Variants in CNTNAP4 observed in about 807,000 individuals in gnomAD.
CNTNAP4 encodes contactin-associated protein-like 4.
Under a neutral mutation model 148.4 loss-of-function variants are expected in CNTNAP4, and 98 were observed. The observed-to-expected ratio is 0.66, with a 90% CI of 0.56 to 0.78. The LOEUF (loss-of-function observed/expected upper bound fraction) is 0.78. Ranked by LOEUF, CNTNAP4 falls within the 30% of genes least tolerant of loss-of-function variation. CNTNAP4 has a pLI of 0.00. For missense variants in CNTNAP4, 1,935 were observed against 1,565.6 expected (o/e 1.24, Z -3.98); for synonymous variants, 730 against 565.1 (o/e 1.29, Z -4.14).
At chr16:76,308,452 T>C (rs984712782) in intron 1 of CNTNAP4, among the ~76,000 whole-genome samples, 15 of 152,170 alleles carry the variant, frequency 9.9e-5, no homozygotes, top group African/African-American at 3.6e-4. Context: ...CATCAGAATG[T>C]GACAGTGCAG....
chr16:76,400,158 T>C (rs2078357796), intron 3 of CNTNAP4, among the ~76,000 whole-genome samples: 1 of 152,176 alleles, frequency 6.6e-6, no homozygotes, highest in African/African-American at 2.4e-5. Context: ...ATGTTATAGA[T>C]GAAGGAGCCA....
intron 4 of CNTNAP4, among the ~76,000 whole-genome samples, chr16:76,433,248 G>C (rs1225881888): frequency 2.6e-5 from 4 of 152,212 alleles, no homozygotes; most frequent in Non-Finnish European, 1.5e-5. Context: ...CATCATTCTA[G>C]TGTTCAACTT....
chr16:76,500,232 T>C (rs2143891664), intron 15 of CNTNAP4, among the ~76,000 whole-genome samples: 1 of 151,950 alleles, frequency 6.6e-6, no homozygotes, highest in East Asian at 1.9e-4. Flanking sequence ...TGGCAGGGGC[T>C]GCCCCCACCT....
intron 2 of CNTNAP4, among the ~76,000 whole-genome samples, 165 bp from the exon 3 acceptor site, chr16:76,355,153 T>C (rs2012408981): frequency 6.6e-6 from 1 of 152,246 alleles, no homozygotes; most frequent in African/African-American, 2.4e-5. Flanking sequence ...CATATAATTA[T>C]ACTAAATTCT....
intron 10 of CNTNAP4, among the ~76,000 whole-genome samples, chr16:76,468,072 T>C (rs2143508605): frequency 6.6e-6 from 1 of 152,324 alleles, no homozygotes; most frequent in South Asian, 2.1e-4. Flanking sequence ...GGTTGTGGTA[T>C]TGATCAAGGT....
At chr16:76,450,298 G>T (rs2080412430) in intron 7 of CNTNAP4, among the ~76,000 whole-genome samples, 1 of 152,006 alleles carries the variant, frequency 6.6e-6, no homozygotes, top group South Asian at 2.1e-4. Context: ...TTGTAGTCCT[G>T]CCAACACACC....
intron 8 of CNTNAP4, among the ~76,000 whole-genome samples, chr16:76,455,765 G>T (rs1256177738): frequency 2.0e-5 from 3 of 152,166 alleles, no homozygotes; most frequent in African/African-American, 7.2e-5. Flanking sequence ...ATTGCCTTTT[G>T]CACCTTTGCT....
intron 3 of CNTNAP4, among the ~76,000 whole-genome samples, chr16:76,408,536 C>G (rs2078685263): frequency 1.3e-5 from 2 of 152,018 alleles, no homozygotes; most frequent in African/African-American, 4.8e-5. Context: ...GCAACTCTTT[C>G]ATACGTTGCC....
chr16:76,538,973 A>G (rs1215068877), intron 19 of CNTNAP4, among the ~76,000 whole-genome samples: 1 of 152,092 alleles, frequency 6.6e-6, no homozygotes, highest in Non-Finnish European at 1.5e-5. Context: ...CAAACATACA[A>G]ACATGTGACT....
At chr16:76,345,785 G>C (rs1049730265) in intron 2 of CNTNAP4, among the ~76,000 whole-genome samples, 3 of 152,196 alleles carry the variant, frequency 2.0e-5, no homozygotes, top group African/African-American at 7.2e-5. Flanking sequence ...TCAAGGGGCA[G>C]AGACAGAATT....
At chr16:76,355,798 T>C (rs1456387258) in intron 3 of CNTNAP4, among the ~76,000 whole-genome samples, 1 of 151,594 alleles carries the variant, frequency 6.6e-6, no homozygotes, top group Non-Finnish European at 1.5e-5. Context: ...AAGACTTGTA[T>C]AAAAAAAGTT....
At chr16:76,377,718 T>C (rs1173612630) in intron 3 of CNTNAP4, among the ~76,000 whole-genome samples, 2 of 152,168 alleles carry the variant, frequency 1.3e-5, no homozygotes, top group Non-Finnish European at 2.9e-5. Flanking sequence ...AAATGTGTTT[T>C]CTCTCCCTCA....
In CNTNAP4 at chr16:76,508,539, T is replaced by G. The variant is rs1217627732; in HGVS notation, c.2365+9845T>G. Among the ~76,000 whole-genome samples the G allele has an allele frequency of 3.3e-5, 3 of 91,600 alleles. 1 individual carries two copies. Among genetic ancestry groups the G allele is most frequent in the Non-Finnish European group, 9.0e-5 (3 of 33,298 alleles). 60.1% of individuals were successfully genotyped at this position (91,600 alleles called of 152,430 possible). A position where few individuals can be genotyped will look rare whatever the true frequency, so the allele number is the denominator to read the frequency against. On this transcript the variant is annotated intron_variant, in intron 15 of 23. Transcript: ENST00000611870. The stretch of plus-strand genomic sequence containing the variant: ...TATGGTCTATTTTGCTTTTTTTTTT[T>G]GTTCACTTTTTTATTACCAACCAAT...
chr16:76,492,635 G>A (rs1231707030), intron 13 of CNTNAP4, among the ~76,000 whole-genome samples: 2 of 152,042 alleles, frequency 1.3e-5, no homozygotes, highest in Non-Finnish European at 1.5e-5. Context: ...TGAATCATGG[G>A]GGCAGTTTCC....
At chr16:76,416,533 A>G (rs914180759) in intron 3 of CNTNAP4, among the ~76,000 whole-genome samples, 2 of 151,126 alleles carry the variant, frequency 1.3e-5, no homozygotes, top group African/African-American at 4.8e-5. Context: ...TTTTTTTCAG[A>G]TGTTTAGGAA....
intron 21 of CNTNAP4, among the ~76,000 whole-genome samples, chr16:76,546,120 G>T (rs953068663): frequency 2.6e-5 from 4 of 152,192 alleles, no homozygotes; most frequent in Non-Finnish European, 5.9e-5. Context: ...TAATATGTGA[G>T]TGAATTTATT....
chr16:76,464,557 G>C (rs1363569229), intron 9 of CNTNAP4, among the ~76,000 whole-genome samples: 2 of 152,204 alleles, frequency 1.3e-5, no homozygotes, highest in East Asian at 3.9e-4. Context: ...TCTTCAGCCA[G>C]TTTATGTTCA....
chr16:76,490,811 G>GT lies in CNTNAP4; in HGVS notation c.2080+929dup, dbSNP rs2082191417. Among the ~76,000 whole-genome samples, 4 of 152,048 alleles carry GT rather than the reference G, an allele frequency of 2.6e-5. No individual in the cohort carries two copies. In the South Asian group the frequency reaches 8.3e-4, roughly 31 times the overall value. On this transcript the variant is annotated intron_variant, in intron 13 of 23. Coordinates refer to ENST00000611870, the MANE Select transcript of CNTNAP4 (RefSeq NM_033401.5). ...CAACCCTCGTGCCACCCTCAAACAC[G>GT]TATTTTCTAGCAGTGGCATTGAGGT...
At chr16:76,436,312 C>A (rs144802735) in intron 4 of CNTNAP4, among the ~76,000 whole-genome samples, 271 of 152,232 alleles carry the variant, frequency 1.8e-3, no homozygotes, top group African/African-American at 5.8e-3. Flanking sequence ...AGGTCAGTGT[C>A]CCCAGCTTCA....
Sources: allele counts gnomAD v4.1 joint callset (sites outside exome capture counted in the v4.1 genomes callset), GRCh38; gene constraint gnomAD v4.1.1; transcripts MANE v1.5; gene names NCBI Gene and HGNC (gene_info 2026-07-23, HGNC 2026-07-21).